Variants in ZBTB16 observed in about 807,000 individuals in gnomAD.
The protein encoded by ZBTB16 is zinc finger and BTB domain containing 16.
ZBTB16 carries 8 observed loss-of-function variants against 56.8 expected under a neutral mutation model. The observed-to-expected ratio is 0.14, with a 90% CI of 0.08 to 0.25. ZBTB16 has a LOEUF of 0.25. ZBTB16 is among the 10% of genes least tolerant of loss of function. ZBTB16 has a pLI of 1.00. For missense variants in ZBTB16, 625 were observed against 903.0 expected (o/e 0.69, Z 3.95); for synonymous variants, 363 against 368.5 (o/e 0.98, Z 0.17).
At chr11:114,183,276 TG>T (rs1187693052) in intron 3 of ZBTB16, among the ~76,000 whole-genome samples, 2 of 151,786 alleles carry the variant, frequency 1.3e-5, no homozygotes, top group Non-Finnish European at 2.9e-5. Context: ...TTCAGCGAGG[TG>T]GGGGTGGAGT....
intron 4 of ZBTB16, among the ~76,000 whole-genome samples, chr11:114,217,447 C>G (rs1004566391): frequency 2.0e-5 from 3 of 152,022 alleles, no homozygotes; most frequent in Non-Finnish European, 4.4e-5. Context: ...GGCAAGAGGA[C>G]CTAGAGGCCT....
chr11:114,069,380 C>T lies in ZBTB16; in HGVS notation c.1268+4812C>T, dbSNP rs537643286. On this transcript the variant is annotated intron_variant, in intron 2 of 6. Transcript: ENST00000335953. ...GATTACAGGTGTGAGCCACCACGCC[C>T]GGCCTATTGCCTGGTTCTTGAAGGG... Among the ~76,000 whole-genome samples, 21 of 152,356 alleles carry T rather than the reference C, an allele frequency of 1.4e-4. No homozygotes were observed. In the East Asian group the frequency reaches 2.9e-3, roughly 21 times the overall value.
Position 114,068,060 on chromosome 11 carries a change from C to CAAAAA in ZBTB16, c.1268+3504_1268+3508dup, listed in dbSNP as rs4020463. Among the ~76,000 whole-genome samples the CAAAAA allele has an allele frequency of 3.0e-3, 333 of 111,314 alleles. 10 individuals carry two copies. Among genetic ancestry groups the CAAAAA allele is most frequent in the African/African-American group, 0.011 (301 of 27,836 alleles). 73.0% of individuals were successfully genotyped at this position (111,314 alleles called of 152,430 possible). A position where few individuals can be genotyped will look rare whatever the true frequency, so the allele number is the denominator to read the frequency against. On this transcript the variant is annotated intron_variant, in intron 2 of 6. Transcript: ENST00000335953. ...AACCAGTACAAACAAAAAGCCAAGACAAAAAAAAAAAAAAAATCAGAAGGG... is the reference window on the plus strand; with the variant it reads ...AACCAGTACAAACAAAAAGCCAAGACAAAAAAAAAAAAAAAAAAAAATCAGAAGGG...
At chr11:114,167,225 T>G (rs1372618185) in intron 3 of ZBTB16, among the ~76,000 whole-genome samples, 1 of 75,028 alleles carries the variant, frequency 1.3e-5, no homozygotes, top group Non-Finnish European at 2.3e-5. Context: ...GGTTTTTTTT[T>G]TTTTTGGTTT....
chr11:114,187,128 C>T, intron 4 of ZBTB16, 90 bp downstream of exon 4: 1 of 1,228,570 alleles, frequency 8.1e-7, no homozygotes, highest in Non-Finnish European at 1.2e-6. Context: ...CTCTTTTTAG[C>T]AAATGTGACA....
At chr11:114,077,909 C>G (rs1378724187) in intron 2 of ZBTB16, among the ~76,000 whole-genome samples, 1 of 152,158 alleles carries the variant, frequency 6.6e-6, no homozygotes, top group African/African-American at 2.4e-5. Flanking sequence ...CTATATCAGC[C>G]CCACTGATAA....
At chr11:114,110,434 C>A (rs186342579) in intron 2 of ZBTB16, among the ~76,000 whole-genome samples, 1 of 152,306 alleles carries the variant, frequency 6.6e-6, no homozygotes, top group East Asian at 1.9e-4. Flanking sequence ...TTTGCCCAGC[C>A]AGTAAACTTT....
At chr11:114,153,585 A>C (rs767546664) in intron 2 of ZBTB16, among the ~76,000 whole-genome samples, 1 of 152,208 alleles carries the variant, frequency 6.6e-6, no homozygotes, top group African/African-American at 2.4e-5. Flanking sequence ...TAAAGGAGGA[A>C]ACTCAGGCCA....
intron 2 of ZBTB16, among the ~76,000 whole-genome samples, chr11:114,124,382 C>CTGAGGA (rs1941431151): frequency 6.6e-6 from 1 of 151,878 alleles, no homozygotes; most frequent in Non-Finnish European, 1.5e-5. Flanking sequence ...AAATGCTTCT[C>CTGAGGA]CCACCCTCTA....
chr11:114,212,457 C>T (rs983986681), intron 4 of ZBTB16, among the ~76,000 whole-genome samples: 30 of 152,126 alleles, frequency 2.0e-4, no homozygotes, highest in Admixed American at 4.6e-4. Flanking sequence ...TCATTCTTCT[C>T]CTTTAACATA....
rs78932920 is a variant in ZBTB16, at chr11:114,087,730, C to T, written c.1268+23162C>T. Among the ~76,000 whole-genome samples the T allele has an allele frequency of 6.4e-3, 971 of 152,294 alleles. 15 individuals carry two copies. Among genetic ancestry groups the T allele is most frequent in the East Asian group, 0.054 (280 of 5,178 alleles). Reference sequence around the variant, plus strand: ...CTGCAGTGGCTCACTATGGCCTATTCTAGAGAAGAAACGAGAGAATTCTTA... The same window carrying T: ...CTGCAGTGGCTCACTATGGCCTATTTTAGAGAAGAAACGAGAGAATTCTTA... On this transcript the variant is annotated intron_variant, in intron 2 of 6. Coordinates refer to ENST00000335953, the MANE Select transcript of ZBTB16 (RefSeq NM_006006.6).
At chr11:114,247,785 G>A (rs2135212184) in intron 6 of ZBTB16, among the ~76,000 whole-genome samples, 1 of 152,300 alleles carries the variant, frequency 6.6e-6, no homozygotes, top group African/African-American at 2.4e-5. Flanking sequence ...GAATTAGGTT[G>A]TTATGAAGGT....
chr11:114,147,914 T>C (rs561583981), intron 2 of ZBTB16, among the ~76,000 whole-genome samples: 2 of 152,348 alleles, frequency 1.3e-5, no homozygotes, highest in African/African-American at 4.8e-5. Flanking sequence ...TATGAGATTG[T>C]GTGCGATAAG....
intron 3 of ZBTB16, among the ~76,000 whole-genome samples, chr11:114,159,248 AT>A (rs1052169513): frequency 3.3e-5 from 5 of 152,132 alleles, no homozygotes; most frequent in Non-Finnish European, 7.4e-5. Flanking sequence ...CTGATCTCAT[AT>A]GGCTGCTCCA....
intron 3 of ZBTB16, among the ~76,000 whole-genome samples, chr11:114,184,292 T>G (rs1943316819): frequency 6.6e-6 from 1 of 152,200 alleles, no homozygotes; most frequent in African/African-American, 2.4e-5. Context: ...AAGCATTCAT[T>G]GGTATTGAAG....
chr11:114,156,574 C>T (rs1942417905), intron 3 of ZBTB16, 140 bp downstream of exon 3: 2 of 798,892 alleles, frequency 2.5e-6, no homozygotes, highest in Non-Finnish European at 4.2e-6. Flanking sequence ...CCTGGACCCT[C>T]CCTCCAGGCT....
At chr11:114,218,539 A>G (rs1944159750) in intron 4 of ZBTB16, among the ~76,000 whole-genome samples, 1 of 152,236 alleles carries the variant, frequency 6.6e-6, no homozygotes, top group Admixed American at 6.5e-5. Flanking sequence ...ATTGACATAA[A>G]GCCAATCTAT....
chr11:114,149,200 T>G (rs1187804743), intron 2 of ZBTB16, among the ~76,000 whole-genome samples: 1 of 152,114 alleles, frequency 6.6e-6, no homozygotes, highest in Non-Finnish European at 1.5e-5. Flanking sequence ...TCAAGTGAAA[T>G]CTAGAGAAAC....
rs1306017472 is a variant in ZBTB16, at chr11:114,250,577, G to A, written c.*22G>A. The A allele has an allele frequency of 6.2e-7, 1 of 1,611,962 alleles. No individual in the cohort carries two copies. Among genetic ancestry groups the A allele is most frequent in the South Asian group, 1.1e-5 (1 of 90,994 alleles). ...GTGAAGGGAGGCCCGCGGCGGTGGA[G>A]CCGAGCGGGGAGCCAGGAAAGAAGA... On this transcript the variant is annotated 3_prime_UTR_variant, in exon 7 of 7. Transcript: ENST00000335953. This position sits in a 1 kb window ranked among gnomAD's most constrained non-coding sequence, Gnocchi z 6.0.
Sources: allele counts gnomAD v4.1 joint callset (sites outside exome capture counted in the v4.1 genomes callset), GRCh38; gene constraint gnomAD v4.1.1; non-coding constraint Gnocchi (gnomAD v3.1); transcripts MANE v1.5; gene names NCBI Gene and HGNC (gene_info 2026-07-23, HGNC 2026-07-21).